Variants in TPRG1 observed in about 807,000 individuals in gnomAD.
TPRG1 encodes tumor protein p63 regulated 1, also known as tumor protein p63-regulated gene 1 protein.
TPRG1 carries 29 observed loss-of-function variants against 29.3 expected under a neutral mutation model. The observed-to-expected ratio is 0.99, with a 90% confidence interval of 0.74 to 1.35. TPRG1 has a LOEUF of 1.35. Ranked by LOEUF, TPRG1 falls within the 40% of genes most tolerant of loss-of-function variation. The pLI, the probability that TPRG1 is intolerant of heterozygous loss-of-function variation, is 0.00. For synonymous variants in TPRG1, 130 were observed against 116.8 expected (o/e 1.11, Z -0.73); for missense variants, 327 against 335.0 (o/e 0.98, Z 0.19).
intron 3 of TPRG1, chr3:189,219,655 C>T: frequency 7.8e-7 from 1 of 1,286,222 alleles, no homozygotes; most frequent in Non-Finnish European, 1.0e-6. Context: ...TAAAGTGGCT[C>T]TTCAGCAGAA....
intron 4 of TPRG1, among the ~76,000 whole-genome samples, chr3:189,036,592 AAAT>A (rs1714283028): frequency 6.6e-6 from 1 of 152,082 alleles, no homozygotes; most frequent in South Asian, 2.1e-4. Flanking sequence ...AGGAATAATA[AAAT>A]AATAAAGATA....
chr3:189,158,137 G>T (rs1251002255), intron 5 of TPRG1, among the ~76,000 whole-genome samples: 2 of 152,090 alleles, frequency 1.3e-5, no homozygotes, highest in Non-Finnish European at 2.9e-5. Context: ...CCATTGGAGG[G>T]TCCCTTAAAC....
intron 4 of TPRG1, among the ~76,000 whole-genome samples, chr3:189,033,714 G>A (rs1489686659): frequency 2.0e-5 from 3 of 151,870 alleles, no homozygotes; most frequent in Non-Finnish European, 1.5e-5. Context: ...CGAGTAGCTG[G>A]GACTACAGGT....
intron 4 of TPRG1, among the ~76,000 whole-genome samples, chr3:189,293,350 C>G (rs576773012): frequency 6.6e-6 from 1 of 152,112 alleles, no homozygotes; most frequent in Admixed American, 6.5e-5. Flanking sequence ...GCAGGGCTAG[C>G]CACTTTCTTC....
At chr3:189,094,760 A>G (rs1010521499) in intron 4 of TPRG1, among the ~76,000 whole-genome samples, 3 of 152,194 alleles carry the variant, frequency 2.0e-5, no homozygotes, top group African/African-American at 7.2e-5. Flanking sequence ...CATGATAGGT[A>G]GTGCTGAGTA....
chr3:189,314,052 G>C (rs1723105104), intron 5 of TPRG1, among the ~76,000 whole-genome samples: 1 of 152,124 alleles, frequency 6.6e-6, no homozygotes, highest in Non-Finnish European at 1.5e-5. Flanking sequence ...ATTAATGAAA[G>C]CAAGTAACTG....
At chr3:189,028,179 TC>T (rs1447470540) in intron 4 of TPRG1, among the ~76,000 whole-genome samples, 2 of 152,192 alleles carry the variant, frequency 1.3e-5, no homozygotes, top group Admixed American at 6.5e-5. Flanking sequence ...CTCCATGACT[TC>T]ACGGATGGGG....
intron 4 of TPRG1, among the ~76,000 whole-genome samples, chr3:189,092,073 C>T (rs1487445800): frequency 6.6e-6 from 1 of 152,162 alleles, no homozygotes; most frequent in African/African-American, 2.4e-5. Flanking sequence ...AGATTTAGCA[C>T]TAAAGAAGAC....
chr3:189,011,427 C>T (rs796118068), intron 3 of TPRG1, among the ~76,000 whole-genome samples: 17 of 152,158 alleles, frequency 1.1e-4, no homozygotes, highest in African/African-American at 4.1e-4. Flanking sequence ...AAGACATATT[C>T]GAGAATGGGC....
At chr3:189,199,527 C>T (rs922643537) in intron 1 of TPRG1, among the ~76,000 whole-genome samples, 7 of 152,124 alleles carry the variant, frequency 4.6e-5, no homozygotes, top group Non-Finnish European at 1.0e-4. Context: ...CACCCATGAA[C>T]CCCTCAGGTA....
intron 5 of TPRG1, among the ~76,000 whole-genome samples, chr3:189,159,868 G>GTGTGTGTGTGTGTGTGT (rs141895328): frequency 0.018 from 2,598 of 146,562 alleles, 50 homozygotes; most frequent in Non-Finnish European, 0.025. Context: ...GTGTGTGTGT[G>GTGTGTGTGTGTGTGTGT]GTGGTGGGGG....
chr3:189,250,288 A>AT (rs1224563350), intron 4 of TPRG1, among the ~76,000 whole-genome samples: 1 of 152,092 alleles, frequency 6.6e-6, no homozygotes, highest in Non-Finnish European at 1.5e-5. Flanking sequence ...CTGCTCAGGG[A>AT]TTTTTAGCAA....
intron 3 of TPRG1, chr3:189,219,562 T>C: frequency 7.9e-7 from 1 of 1,260,038 alleles, no homozygotes; most frequent in Middle Eastern, 2.2e-4. Context: ...ATGTGTTTGC[T>C]TTTAGAACGG....
intron 4 of TPRG1, among the ~76,000 whole-genome samples, chr3:189,282,065 G>C (rs779104442): frequency 2.0e-5 from 3 of 151,844 alleles, no homozygotes; most frequent in Non-Finnish European, 2.9e-5. Context: ...TATTTTAGTA[G>C]AGACAAGGTT....
chr3:189,089,980 T>A (rs1718234308), intron 4 of TPRG1, among the ~76,000 whole-genome samples: 1 of 152,090 alleles, frequency 6.6e-6, no homozygotes. Flanking sequence ...AATTGATTAA[T>A]CCTAAAATCT....
At chr3:189,180,539 C>A (rs1213807473) in intron 1 of TPRG1, among the ~76,000 whole-genome samples, 1 of 152,200 alleles carries the variant, frequency 6.6e-6, no homozygotes, top group Non-Finnish European at 1.5e-5. Flanking sequence ...TCAAGCAGGG[C>A]ACTCTACTCT....
At chr3:189,134,319 T>C (rs1194479107) in intron 3 of TPRG1, among the ~76,000 whole-genome samples, 2 of 151,908 alleles carry the variant, frequency 1.3e-5, no homozygotes, top group Middle Eastern at 3.2e-3. Flanking sequence ...ACAAGTAGTA[T>C]CCATTACTAA....
intron 4 of TPRG1, among the ~76,000 whole-genome samples, chr3:189,083,993 T>C (rs1055278309): frequency 6.6e-6 from 1 of 151,852 alleles, no homozygotes; most frequent in Non-Finnish European, 1.5e-5. Context: ...GCCTGGCTAA[T>C]GTGGTGAAAC....
intron 1 of TPRG1, among the ~76,000 whole-genome samples, chr3:189,107,109 G>T (rs1046542114): frequency 2.6e-5 from 4 of 151,716 alleles, no homozygotes; most frequent in African/African-American, 9.7e-5. Context: ...AGCTGTTTTA[G>T]GTTCACAGCA....
Sources: allele counts gnomAD v4.1 joint callset (sites outside exome capture counted in the v4.1 genomes callset), GRCh38; gene constraint gnomAD v4.1.1; transcripts MANE v1.5; gene names NCBI Gene and HGNC (gene_info 2026-07-23, HGNC 2026-07-21).